TOMM7: variants seen among roughly 807,000 people sequenced by gnomAD.
The protein encoded by TOMM7 is translocase of outer mitochondrial membrane 7, also known as mitochondrial import receptor subunit TOM7 homolog.
A neutral mutation model predicts 9.5 loss-of-function variants in TOMM7; 8 were observed. The observed-to-expected ratio is 0.84, with a 90% CI of 0.49 to 1.51. The LOEUF (loss-of-function observed/expected upper bound fraction) is 1.51. TOMM7 is among the 40% of genes most tolerant of loss of function. The probability of loss-of-function intolerance (pLI) is 0.00; values close to 1 mark genes in which losing one functional copy is unlikely to be tolerated. For synonymous variants in TOMM7, 27 were observed against 21.4 expected, an observed-to-expected ratio of 1.26 and a Z score of -0.72; for missense variants, 74 against 63.7, an observed-to-expected ratio of 1.16 and a Z score of -0.55.
intron 1 of TOMM7, among the ~76,000 whole-genome samples, chr7:22,821,993 C>CT (rs1348237319): frequency 6.6e-6 from 1 of 152,104 alleles, no homozygotes; most frequent in Non-Finnish European, 1.5e-5. Flanking sequence ...GAGCGAGACT[C>CT]TGTCTTAAAA....
At chr7:22,815,841 C>A (rs1474110756) in intron 2 of TOMM7, among the ~76,000 whole-genome samples, 1 of 151,368 alleles carries the variant, frequency 6.6e-6, no homozygotes, top group Non-Finnish European at 1.5e-5. Context: ...AAAAAAGAAA[C>A]TATGGAAACA....
chr7:22,820,732 G>C (rs926798357), intron 1 of TOMM7, among the ~76,000 whole-genome samples: 1 of 151,908 alleles, frequency 6.6e-6, no homozygotes, highest in Non-Finnish European at 1.5e-5. Flanking sequence ...AGAATAGTGG[G>C]GACAACACCA....
At chr7:22,819,628 C>T (rs1322096982) in intron 1 of TOMM7, among the ~76,000 whole-genome samples, 1 of 152,206 alleles carries the variant, frequency 6.6e-6, no homozygotes, top group Non-Finnish European at 1.5e-5. Flanking sequence ...GCCCCAGCCT[C>T]CTGCACATGT....
intron 1 of TOMM7, among the ~76,000 whole-genome samples, chr7:22,821,062 GA>G (rs2128182757): frequency 6.6e-6 from 1 of 152,162 alleles, no homozygotes; most frequent in East Asian, 1.9e-4. Flanking sequence ...CAGCTGGGAT[GA>G]AAAACCTGCT....
At chr7:22,815,852 C>T (rs1782310501) in intron 2 of TOMM7, among the ~76,000 whole-genome samples, 1 of 151,444 alleles carries the variant, frequency 6.6e-6, no homozygotes, top group South Asian at 2.1e-4. Flanking sequence ...TATGGAAACA[C>T]AAAAAACAGA....
At chr7:22,822,165 G>A (rs773727435) in intron 1 of TOMM7, 3 of 1,550,504 alleles carry the variant, frequency 1.9e-6, no homozygotes, top group South Asian at 2.4e-5. Context: ...TGTAAAATGG[G>A]GGCAGTAATA....
intron 1 of TOMM7, chr7:22,822,464 A>G (rs1782406733): frequency 4.2e-6 from 3 of 706,698 alleles, no homozygotes; most frequent in Non-Finnish European, 7.0e-6. Flanking sequence ...AAAAGGAGGG[A>G]TTGCAAGACT....
At chr7:22,815,194 A>G (rs1782301308) in intron 2 of TOMM7, among the ~76,000 whole-genome samples, 1 of 152,224 alleles carries the variant, frequency 6.6e-6, no homozygotes, top group Non-Finnish European at 1.5e-5. Flanking sequence ...AATGAAAAGC[A>G]GTAGGACAGG....
chr7:22,822,140 G>A (rs1470462878), intron 1 of TOMM7: 2 of 1,549,632 alleles, frequency 1.3e-6, no homozygotes, highest in African/African-American at 2.7e-5. Flanking sequence ...GTTTCTCTAC[G>A]GCTGTTTCCT....
At chr7:22,814,876 AAAC>A (rs1452984125) in intron 2 of TOMM7, among the ~76,000 whole-genome samples, 5 of 152,358 alleles carry the variant, frequency 3.3e-5, no homozygotes, top group South Asian at 2.1e-4. Context: ...ATATATGTAG[AAAC>A]AACAGACTTT....
At chr7:22,820,073 T>G (rs921273051) in intron 1 of TOMM7, among the ~76,000 whole-genome samples, 2 of 152,156 alleles carry the variant, frequency 1.3e-5, no homozygotes, top group Non-Finnish European at 2.9e-5. Flanking sequence ...TGGTGGCCCA[T>G]TCCTATAATC....
At chr7:22,821,999 TA>T in intron 1 of TOMM7, among the ~76,000 whole-genome samples, 1 of 151,988 alleles carries the variant, frequency 6.6e-6, no homozygotes, top group East Asian at 1.9e-4. Flanking sequence ...GACTCTGTCT[TA>T]AAAACAAAAA....
At chr7:22,813,244 A>G in intron 2 of TOMM7, 59 bp from the exon 3 acceptor site, 29 of 1,521,826 alleles carry the variant, frequency 1.9e-5, no homozygotes, top group Non-Finnish European at 2.4e-5. Context: ...TCTTCTAGAC[A>G]TAACCTAAGA....
At chr7:22,815,691 G>A (rs983861657) in intron 2 of TOMM7, among the ~76,000 whole-genome samples, 8 of 152,028 alleles carry the variant, frequency 5.3e-5, no homozygotes, top group African/African-American at 1.9e-4. Flanking sequence ...GATACAAAAG[G>A]ATACTATGGG....
intron 1 of TOMM7, chr7:22,822,252 T>C: frequency 6.4e-7 from 1 of 1,550,752 alleles, no homozygotes; most frequent in Non-Finnish European, 8.7e-7. Flanking sequence ...CATGCTTTCA[T>C]GGCAGTGGTA....
At chr7:22,817,464 A>G in intron 2 of TOMM7, 1 of 212,336 alleles carries the variant, frequency 4.7e-6, no homozygotes, top group Admixed American at 4.9e-5. Context: ...GCTGGTCTTG[A>G]ACTCCTAGCT....
chr7:22,821,403 C>A (rs1392234802), intron 1 of TOMM7, among the ~76,000 whole-genome samples: 2 of 67,128 alleles, frequency 3.0e-5, no homozygotes, highest in African/African-American at 8.3e-5. Flanking sequence ...CAGACCCCGT[C>A]TCAAAAAAAA....
chr7:22,820,231 C>T (rs1782368785), intron 1 of TOMM7, among the ~76,000 whole-genome samples: 1 of 152,128 alleles, frequency 6.6e-6, no homozygotes, highest in Admixed American at 6.6e-5. Context: ...AAGGAAAAGA[C>T]AATGATAGAC....
At chr7:22,816,254 A>G (rs750381658) in intron 2 of TOMM7, among the ~76,000 whole-genome samples, 2 of 152,232 alleles carry the variant, frequency 1.3e-5, no homozygotes, top group Non-Finnish European at 2.9e-5. Flanking sequence ...GGGAGATGAC[A>G]GCTTAGAAAG....
Sources: gnomAD v4.1 joint callset for allele counts (sites outside exome capture counted in the v4.1 genomes callset) on GRCh38, gnomAD v4.1.1 for gene constraint, MANE v1.5 for transcripts, NCBI Gene and HGNC (gene_info 2026-07-23, HGNC 2026-07-21) for gene names.